PDE1C: variants seen among roughly 807,000 people sequenced by gnomAD.
The protein encoded by PDE1C is dual specificity calcium/calmodulin-dependent 3',5'-cyclic nucleotide phosphodiesterase 1C.
A neutral mutation model predicts 93.1 loss-of-function variants in PDE1C; 62 were observed. The observed-to-expected ratio is 0.67, with a 90% CI of 0.54 to 0.82. The LOEUF is 0.82. Among genes scored for constraint, PDE1C ranks in the 40% least tolerant of loss-of-function variants. The pLI is 0.00. For missense variants in PDE1C, 742 were observed against 884.6 expected (o/e 0.84, Z 2.04); for synonymous variants, 325 against 310.1 (o/e 1.05, Z -0.50).
At chr7:32,355,366 A>T (rs1287854732) in intron 1 of PDE1C, among the ~76,000 whole-genome samples, 4 of 152,192 alleles carry the variant, frequency 2.6e-5, no homozygotes, top group Non-Finnish European at 5.9e-5. Flanking sequence ...CCTGCCCAAG[A>T]GGGGCAGTGC....
chr7:32,220,289 T>C (rs928060334), intron 1 of PDE1C, among the ~76,000 whole-genome samples: 18 of 152,326 alleles, frequency 1.2e-4, no homozygotes, highest in African/African-American at 3.8e-4. Flanking sequence ...CCCTTCCTCA[T>C]GCCAGGCACC....
intron 1 of PDE1C, among the ~76,000 whole-genome samples, chr7:32,253,502 T>G: frequency 6.6e-6 from 1 of 152,210 alleles, no homozygotes; most frequent in South Asian, 2.1e-4. Flanking sequence ...GAGAATCTGC[T>G]TATAATAGCC....
chr7:32,070,504 G>A, upstream of PDE1C: 1 of 1,533,176 alleles, frequency 6.5e-7, no homozygotes, highest in Non-Finnish European at 8.8e-7. Context: ...GCGTTTGCCC[G>A]GCACTTTCTC....
upstream of PDE1C, among the ~76,000 whole-genome samples, chr7:32,073,685 T>A (rs1796188721): frequency 6.6e-6 from 1 of 152,226 alleles, no homozygotes; most frequent in African/African-American, 2.4e-5. Context: ...AACAAAATAC[T>A]ACTATTTTTA....
chr7:31,764,180 T>A (rs1196478031), intron 17 of PDE1C, among the ~76,000 whole-genome samples: 1 of 152,178 alleles, frequency 6.6e-6, no homozygotes, highest in Non-Finnish European at 1.5e-5. Context: ...AGACGGAGTC[T>A]TGATCTGTTG....
chr7:31,920,520 A>G (rs1016097518), intron 2 of PDE1C, among the ~76,000 whole-genome samples: 1 of 152,128 alleles, frequency 6.6e-6, no homozygotes, highest in Non-Finnish European at 1.5e-5. Context: ...GCCAAAGGAG[A>G]CTGATCTCAG....
At chr7:32,346,520 A>G (rs911260323) in intron 1 of PDE1C, among the ~76,000 whole-genome samples, 1 of 152,240 alleles carries the variant, frequency 6.6e-6, no homozygotes. Flanking sequence ...GTAAGGGTCT[A>G]CACTCACCTT....
At chr7:31,643,804 C>T in the PDE1C span, 5 of 1,613,972 alleles carry the variant, frequency 3.1e-6, no homozygotes, top group Middle Eastern at 1.6e-4. Context: ...CTGTCATCAC[C>T]ACCCTCACTG....
At chr7:31,971,470 T>C (rs888265585) in intron 2 of PDE1C, among the ~76,000 whole-genome samples, 2 of 152,172 alleles carry the variant, frequency 1.3e-5, no homozygotes, top group Non-Finnish European at 2.9e-5. Flanking sequence ...TCTCTGACGA[T>C]CACGCTAGGG....
chr7:32,096,938 C>T (rs541678655), intron 3 of PDE1C, among the ~76,000 whole-genome samples: 16 of 152,206 alleles, frequency 1.1e-4, no homozygotes, highest in African/African-American at 3.4e-4. Flanking sequence ...AATAAGAGGT[C>T]CCAAAATCTG....
chr7:31,702,499 G>T, the PDE1C span, among the ~76,000 whole-genome samples: 2 of 152,152 alleles, frequency 1.3e-5, no homozygotes, highest in Non-Finnish European at 2.9e-5. Context: ...TTACCTTTCA[G>T]TAGTCAGCCA....
intron 2 of PDE1C, among the ~76,000 whole-genome samples, chr7:32,015,409 T>G: frequency 6.6e-6 from 1 of 152,160 alleles, no homozygotes; most frequent in Non-Finnish European, 1.5e-5. Flanking sequence ...GCCAAATGGT[T>G]AAGCTGATGC....
At chr7:31,989,747 G>A (rs912134610) in intron 2 of PDE1C, among the ~76,000 whole-genome samples, 9 of 152,090 alleles carry the variant, frequency 5.9e-5, no homozygotes, top group Non-Finnish European at 1.0e-4. Context: ...CGATAACTGC[G>A]GTGACTAGCT....
chr7:31,935,910 A>G (rs1804990974), intron 2 of PDE1C, among the ~76,000 whole-genome samples: 2 of 152,036 alleles, frequency 1.3e-5, no homozygotes, highest in South Asian at 4.1e-4. Context: ...GGAACTGGGG[A>G]GGGGTGGAGC....
chr7:31,964,044 G>A (rs554750678), intron 2 of PDE1C, among the ~76,000 whole-genome samples: 6 of 152,356 alleles, frequency 3.9e-5, no homozygotes, highest in South Asian at 4.1e-4. Flanking sequence ...TAAAGAAGAC[G>A]GGTGATTTCT....
intron 2 of PDE1C, among the ~76,000 whole-genome samples, chr7:32,183,437 T>G (rs1316744291): frequency 6.6e-6 from 1 of 152,188 alleles, no homozygotes; most frequent in East Asian, 1.9e-4. Context: ...AGCATGGTAC[T>G]GGTACCAAAA....
chr7:31,714,958 AGG>A, the PDE1C span, among the ~76,000 whole-genome samples: 1 of 152,166 alleles, frequency 6.6e-6, no homozygotes, highest in African/African-American at 2.4e-5. Flanking sequence ...GGTATGGGGC[AGG>A]GGGTGCTGTC....
intron 16 of PDE1C, among the ~76,000 whole-genome samples, chr7:31,802,497 AG>A (rs1786193026): frequency 6.6e-6 from 1 of 151,692 alleles, no homozygotes; most frequent in Non-Finnish European, 1.5e-5. Flanking sequence ...TTACCTATGT[AG>A]TTGCCATTTT....
At chr7:31,712,633 C>T in the PDE1C span, among the ~76,000 whole-genome samples, 2 of 152,178 alleles carry the variant, frequency 1.3e-5, no homozygotes, top group South Asian at 2.1e-4. Flanking sequence ...TTCAGAATGC[C>T]ATGGCCAGCT....
Sources: gnomAD v4.1 joint callset for allele counts (sites outside exome capture counted in the v4.1 genomes callset) on GRCh38, gnomAD v4.1.1 for gene constraint, MANE v1.5 for transcripts, NCBI Gene and HGNC (gene_info 2026-07-23, HGNC 2026-07-21) for gene names.